The following RNF213 variants were observed in gnomAD, a reference collection of about 807,000 sequenced individuals.
RNF213 encodes the protein E3 ubiquitin-protein ligase RNF213.
Under a neutral mutation model 514.4 loss-of-function variants are expected in RNF213, and 341 were observed. That is an observed-to-expected ratio of 0.66 (90% confidence interval 0.61 to 0.73). RNF213 has a LOEUF of 0.73. RNF213 is among the 30% of genes least tolerant of loss of function. The pLI, the probability that RNF213 is intolerant of heterozygous loss-of-function variation, is 0.00. For synonymous variants in RNF213, 2,655 were observed against 2,658.2 expected (o/e 1.00, Z 0.04); for missense variants, 5,767 against 6,615.6 (o/e 0.87, Z 4.45).
At chr17:80,371,523 A>G (rs1048704642) in intron 46 of RNF213, 6 of 172,272 alleles carry the variant, frequency 3.5e-5, no homozygotes, top group Admixed American at 1.2e-4. Context: ...TTGTTATTTT[A>G]AATGAATGTA....
At chr17:80,384,668 CA>C (rs1256333537) in intron 59 of RNF213, among the ~76,000 whole-genome samples, 1 of 152,138 alleles carries the variant, frequency 6.6e-6, no homozygotes, top group Non-Finnish European at 1.5e-5. Context: ...GAAGGACACC[CA>C]GGAATAAGGC....
chr17:80,312,742 G>T (rs1598986059), intron 14 of RNF213, among the ~76,000 whole-genome samples: 1 of 152,322 alleles, frequency 6.6e-6, no homozygotes, highest in Admixed American at 6.5e-5. Context: ...CAGGACAGAG[G>T]CTGCCTGGGC....
At chr17:80,274,007 G>A (rs772520104) in intron 3 of RNF213, among the ~76,000 whole-genome samples, 145 of 152,272 alleles carry the variant, frequency 9.5e-4, no homozygotes, top group Non-Finnish European at 6.5e-4. Context: ...TCTGCCGTGT[G>A]TATCTGTGTC....
intron 17 of RNF213, among the ~76,000 whole-genome samples, chr17:80,322,985 A>G (rs1490190310): frequency 6.6e-6 from 1 of 152,100 alleles, no homozygotes; most frequent in East Asian, 1.9e-4. Flanking sequence ...TCCTATGTTT[A>G]TTTATCTCTA....
chr17:80,300,764 C>G, intron 11 of RNF213, among the ~76,000 whole-genome samples: 1 of 152,120 alleles, frequency 6.6e-6, no homozygotes, highest in East Asian at 1.9e-4. Context: ...GTTGGCCAGG[C>G]TGGTCTCAAA....
In RNF213 at chr17:80,394,638, AACGACTTAACTTGAAATTGGGCCTAAG is replaced by A. The variant is rs1388677227; in HGVS notation, c.*1141_*1167del. The A allele has an allele frequency of 6.6e-6, 1 of 152,206 alleles. No homozygotes were observed. Among genetic ancestry groups the A allele is most frequent in the Non-Finnish European group, 1.5e-5 (1 of 68,050 alleles). The allele number at this position is 152,206 out of a possible 1,614,324, so 9.4% of individuals were successfully genotyped here. A position where few individuals can be genotyped will look rare whatever the true frequency, so the allele number is the denominator to read the frequency against. ...CCTTAATATTCATTCTAAATGAGTT[AACGACTTAACTTGAAATTGGGCCTAAG>A]GAGTGAGAACTACAAAAATACAAAA... On this transcript the variant is annotated 3_prime_UTR_variant, in exon 68 of 68. Transcript: ENST00000582970.
intron 36 of RNF213, among the ~76,000 whole-genome samples, chr17:80,355,971 A>G (rs1407105976): frequency 2.7e-5 from 4 of 148,590 alleles, no homozygotes; most frequent in African/African-American, 9.9e-5. Context: ...AAATATTTTC[A>G]TTTCCCTCCG....
chr17:80,368,103 T>C lies in RNF213; in HGVS notation c.12115T>C (p.Leu4039=). 6.2e-7 allele frequency: 1 copy of C among 1,614,276 alleles called. No individual in the cohort carries two copies. The part of the protein sequence containing the change: ...QMICPYCLTA[L]PDEFSPAVSQ... ...GATATGCCCCTACTGTTTAACTGCCTTGCCAGACGAATTCTCTCCAGCTGT... is the reference window on the plus strand; with the variant it reads ...GATATGCCCCTACTGTTTAACTGCCCTGCCAGACGAATTCTCTCCAGCTGT... The change falls in exon 44 of 68, where the codon TTG becomes CTG. Residue 4039 remains leucine, a synonymous_variant. Transcript: ENST00000582970.
chr17:80,381,384 C>T lies in RNF213; in HGVS notation c.13798-163C>T, dbSNP rs1174172870. ...ACAACAGAAAAGCCAGCAGCCGTTCCGCTTGCTAGCCTTCCTTTCACCTGG... is the reference window on the plus strand; with the variant it reads ...ACAACAGAAAAGCCAGCAGCCGTTCTGCTTGCTAGCCTTCCTTTCACCTGG... On this transcript the variant is annotated intron_variant, in intron 56 of 67. Coordinates refer to ENST00000582970, the MANE Select transcript of RNF213 (RefSeq NM_001256071.3). 13 of 755,932 alleles carry T rather than the reference C, an allele frequency of 1.7e-5. No homozygotes were observed. The East Asian group carries it at 1.8e-4, about 11-fold the overall frequency. The allele number at this position is 755,932 out of a possible 1,614,324, so 46.8% of individuals were successfully genotyped here. A position where few individuals can be genotyped will look rare whatever the true frequency, so the allele number is the denominator to read the frequency against.
rs1598986463 is a variant in RNF213, at chr17:80,312,930, G to A, written c.2656-82G>A. The A allele has an allele frequency of 5.9e-6, 9 of 1,516,524 alleles. No individual in the cohort carries two copies. The East Asian group carries it at 2.0e-4, about 34-fold the overall frequency. The allele number at this position is 1,516,524 out of a possible 1,614,324, so 93.9% of individuals were successfully genotyped here. Reference sequence around the variant, plus strand: ...CTTGAGCAGCCTGTGCCAGCAGGGAGGAGAGGAGGGGGTGCAGCATCTCGC... The same window carrying A: ...CTTGAGCAGCCTGTGCCAGCAGGGAAGAGAGGAGGGGGTGCAGCATCTCGC... On this transcript the variant is annotated intron_variant, in intron 14 of 67. Coordinates refer to ENST00000582970, the MANE Select transcript of RNF213 (RefSeq NM_001256071.3).
intron 3 of RNF213, among the ~76,000 whole-genome samples, chr17:80,280,094 CTG>C (rs2044206094): frequency 6.6e-6 from 1 of 150,430 alleles, no homozygotes; most frequent in South Asian, 2.1e-4. Flanking sequence ...GCTCTTTCCT[CTG>C]TGGGCTGGGG....
chr17:80,377,817 T>C lies in RNF213; in HGVS notation c.13545+21T>C. ...GAGAGGTGAGTCTTGGTATTTAAGA[T>C]AGGGTTTGAGGGGTGGCGTGCACTC... is the stretch of plus-strand genomic sequence containing the variant. On this transcript the variant is annotated intron_variant, in intron 54 of 67. Transcript: ENST00000582970. This position sits in a 1 kb window ranked among gnomAD's most constrained non-coding sequence, Gnocchi z 4.1. 5 of 1,613,894 alleles carry C rather than the reference T, an allele frequency of 3.1e-6. No homozygotes were observed. Among genetic ancestry groups the C allele is most frequent in the Non-Finnish European group, 3.4e-6 (4 of 1,179,886 alleles).
At chr17:80,272,420 C>T (rs139778288) in intron 2 of RNF213, among the ~76,000 whole-genome samples, 41 of 152,324 alleles carry the variant, frequency 2.7e-4, no homozygotes, top group South Asian at 8.3e-4. Flanking sequence ...CAGAGTAGGC[C>T]GACGGGGATG....
rs1568112156 is a variant in RNF213 at position 80,349,761 on chromosome 17, ACT to A, written c.9952-6_9952-5del. 2 of 1,613,890 alleles carry A rather than the reference ACT, an allele frequency of 1.2e-6. No homozygotes were observed. The highest frequency in any genetic ancestry group is 3.3e-5 in the Admixed American group (2 of 59,990). On this transcript the variant is annotated splice_region_variant and splice_polypyrimidine_tract_variant and intron_variant, in intron 29 of 67. Coordinates refer to ENST00000582970, the MANE Select transcript of RNF213 (RefSeq NM_001256071.3). ...TCTGGCAAGTAATTTGCATTTCTTA[ACT>A]CTGTAGATCACCACTTTCTCCAGGC...
chr17:80,345,561 G>A lies in RNF213; in HGVS notation c.7226G>A (p.Arg2409Gln), dbSNP rs745694603. 82 of 1,613,226 alleles carry A rather than the reference G, an allele frequency of 5.1e-5. No homozygotes were observed. The highest frequency in any genetic ancestry group is 6.6e-5 in the Non-Finnish European group (78 of 1,179,314). ...CTTAAAATCCTTGCCATCGAGATGC[G>A]GTTCCGGTGTGGGATCCCGGTTATC... ...NMLKILAIEMRFRCGIPVIIM... is the reference protein window; with the variant it reads ...NMLKILAIEMQFRCGIPVIIM... Residue 2409 changes from arginine to glutamine, a missense_variant, in exon 29 of 68, where the codon CGG becomes CAG. This residue lies in a region of RNF213 where 1,377 missense variants were observed against 1,635.2 expected (regional missense o/e 0.84). Coordinates refer to ENST00000582970, the MANE Select transcript of RNF213 (RefSeq NM_001256071.3). This position sits in a 1 kb window ranked among gnomAD's most constrained non-coding sequence, Gnocchi z 6.0.
intron 44 of RNF213, among the ~76,000 whole-genome samples, chr17:80,368,976 G>A (rs1311956917): frequency 6.6e-6 from 1 of 152,210 alleles, no homozygotes; most frequent in Non-Finnish European, 1.5e-5. Context: ...TTGGGATATT[G>A]AAGGGTATTG....
chr17:80,277,635 T>G (rs1454348405), intron 3 of RNF213, among the ~76,000 whole-genome samples: 1 of 141,602 alleles, frequency 7.1e-6, no homozygotes, highest in Non-Finnish European at 1.5e-5. Context: ...TATCCACATA[T>G]CCACACATGA....
rs747533359 is a variant in RNF213, at chr17:80,340,132, A to G, written c.5765A>G (p.Glu1922Gly). ...FHNLCTQQHR[E>G]DYQLVMVCDG... The stretch of plus-strand genomic sequence containing the variant: ...AATCTGTGCACGCAGCAGCACCGAG[A>G]AGACTACCAGCTCGTCATGGTCTGT... The change falls in exon 26 of 68, where the codon GAA (glutamate) becomes GGA (glycine). Residue 1922 changes from glutamate to glycine, a missense_variant. Glu to Gly is a moderately conservative substitution (Grantham distance 98). Coordinates refer to ENST00000582970, the MANE Select transcript of RNF213 (RefSeq NM_001256071.3). 3.1e-6 allele frequency: 5 copies of G among 1,613,696 alleles called. No individual in the cohort carries two copies. The highest frequency in any genetic ancestry group is 4.2e-6 in the Non-Finnish European group (5 of 1,179,982).
chr17:80,393,622 C>T lies in RNF213; in HGVS notation c.*124C>T, dbSNP rs530521280. 11 of 1,098,578 alleles carry T rather than the reference C, an allele frequency of 1.0e-5. No homozygotes were observed. The highest frequency in any genetic ancestry group is 4.2e-5 in the South Asian group (3 of 71,494). 68.1% of individuals were successfully genotyped at this position (1,098,578 alleles called of 1,614,324 possible). ...AGAAGGAGAGCTGTCAGCGTAGCAC[C>T]GAATTCAAGACCAAGGCGTGCTACC... On this transcript the variant is annotated 3_prime_UTR_variant, in exon 68 of 68. Transcript: ENST00000582970.
Sources: gnomAD v4.1 joint callset for allele counts (sites outside exome capture counted in the v4.1 genomes callset) on GRCh38, gnomAD v4.1.1 for gene constraint, gnomAD v4.1.1 regional missense constraint, Gnocchi (gnomAD v3.1) non-coding constraint, MANE v1.5 for transcripts, NCBI Gene and HGNC (gene_info 2026-07-23, HGNC 2026-07-21) for gene names.